NUBPL: variants seen among roughly 807,000 people sequenced by gnomAD.
The protein encoded by NUBPL is NUBP iron-sulfur cluster assembly factor, mitochondrial, also known as iron-sulfur cluster transfer protein NUBPL.
NUBPL carries 31 observed loss-of-function variants against 45.7 expected under a neutral mutation model. That is an observed-to-expected ratio of 0.68 (90% CI 0.51 to 0.92). NUBPL has a LOEUF of 0.92. NUBPL is among the 40% of genes least tolerant of loss of function. The pLI is 0.00. For missense variants in NUBPL, 401 were observed against 398.7 expected, an observed-to-expected ratio of 1.01 and a Z score of -0.05; for synonymous variants, 144 against 140.9, an observed-to-expected ratio of 1.02 and a Z score of -0.15.
chr14:31,662,510 C>T (rs1050529199), intron 4 of NUBPL, among the ~76,000 whole-genome samples: 1 of 151,982 alleles, frequency 6.6e-6, no homozygotes, highest in Non-Finnish European at 1.5e-5. Flanking sequence ...GTGATGTTTC[C>T]CTCCCTGTGT....
chr14:31,591,938 T>C (rs1317173772), intron 3 of NUBPL, among the ~76,000 whole-genome samples: 1 of 152,208 alleles, frequency 6.6e-6, no homozygotes, highest in African/African-American at 2.4e-5. Context: ...CCTGCCCTTA[T>C]GGAGCTTATA....
intron 6 of NUBPL, among the ~76,000 whole-genome samples, chr14:31,723,740 C>T (rs374006473): frequency 1.1e-4 from 17 of 152,174 alleles, no homozygotes; most frequent in African/African-American, 2.4e-4. Flanking sequence ...ATTTGGCTCT[C>T]GGTTTGACTG....
intron 4 of NUBPL, among the ~76,000 whole-genome samples, chr14:31,652,227 G>A (rs1384294683): frequency 1.6e-5 from 2 of 125,100 alleles, no homozygotes; most frequent in Admixed American, 8.5e-5. Flanking sequence ...TCTCACTTAT[G>A]TGCGGAATCT....
intron 8 of NUBPL, among the ~76,000 whole-genome samples, chr14:31,842,798 A>C (rs2040397026): frequency 6.6e-6 from 1 of 152,164 alleles, no homozygotes; most frequent in African/African-American, 2.4e-5. Flanking sequence ...ATATAACCTA[A>C]TATATGTATG....
chr14:31,589,886 G>A (rs1175594529), intron 3 of NUBPL, among the ~76,000 whole-genome samples: 1 of 152,016 alleles, frequency 6.6e-6, no homozygotes, highest in Non-Finnish European at 1.5e-5. Context: ...AGTACTCTTT[G>A]GTCTACCTTT....
chr14:31,839,865 G>A (rs1174391764), intron 8 of NUBPL, among the ~76,000 whole-genome samples: 1 of 152,050 alleles, frequency 6.6e-6, no homozygotes, highest in Non-Finnish European at 1.5e-5. Flanking sequence ...AATCATCAGG[G>A]AAATGCAAAT....
intron 10 of NUBPL, among the ~76,000 whole-genome samples, chr14:31,856,908 T>A (rs1014023083): frequency 3.3e-5 from 5 of 152,170 alleles, no homozygotes; most frequent in Non-Finnish European, 7.3e-5. Flanking sequence ...ACTGTACAAG[T>A]TGTCAGTGGA....
At chr14:31,777,260 G>C (rs944086730) in intron 6 of NUBPL, among the ~76,000 whole-genome samples, 3 of 152,184 alleles carry the variant, frequency 2.0e-5, no homozygotes, top group African/African-American at 4.8e-5. Flanking sequence ...TTGGCAGATA[G>C]CATTGCATCC....
chr14:31,638,414 G>T (rs1046474587), intron 4 of NUBPL, among the ~76,000 whole-genome samples: 1 of 151,308 alleles, frequency 6.6e-6, no homozygotes, highest in African/African-American at 2.4e-5. Flanking sequence ...TTGAATATTG[G>T]CCCCCACTCT....
At chr14:31,650,115 T>TCCCAAGATTCACTTTTTCAGC (rs2035960089) in intron 4 of NUBPL, among the ~76,000 whole-genome samples, 1 of 152,096 alleles carries the variant, frequency 6.6e-6, no homozygotes, top group Admixed American at 6.5e-5. Flanking sequence ...TGCCTCAGCC[T>TCCCAAGATTCACTTTTTCAGC]CCCAAGATTC....
chr14:31,774,464 C>T (rs2039063816), intron 6 of NUBPL, among the ~76,000 whole-genome samples: 1 of 152,190 alleles, frequency 6.6e-6, no homozygotes, highest in Non-Finnish European at 1.5e-5. Context: ...TTCCCAGAAT[C>T]TTTCAGAGTG....
At chr14:31,852,178 G>A (rs7147907) in intron 10 of NUBPL, among the ~76,000 whole-genome samples, 39,846 of 152,036 alleles carry the variant, frequency 0.26, 7,908 homozygotes, top group African/African-American at 0.56. Context: ...TAATGAGGAA[G>A]ATGAGAAAGA....
intron 6 of NUBPL, among the ~76,000 whole-genome samples, chr14:31,685,590 G>T (rs551934964): frequency 4.6e-5 from 7 of 152,178 alleles, no homozygotes; most frequent in African/African-American, 1.7e-4. Flanking sequence ...TATAGAAAAT[G>T]AGAGGATTGT....
chr14:31,793,751 A>G (rs1482704204), intron 7 of NUBPL, among the ~76,000 whole-genome samples: 1 of 151,466 alleles, frequency 6.6e-6, no homozygotes, highest in Non-Finnish European at 1.5e-5. Flanking sequence ...TGCAATTAAT[A>G]TTAACTGAGT....
intron 8 of NUBPL, 26 bp downstream of exon 8, chr14:31,826,740 A>G: frequency 6.3e-7 from 1 of 1,594,200 alleles, no homozygotes. Context: ...TTCACTGTGA[A>G]AAATATAAAA....
intron 4 of NUBPL, among the ~76,000 whole-genome samples, chr14:31,640,130 A>G (rs1321233590): frequency 1.3e-5 from 2 of 152,210 alleles, no homozygotes; most frequent in Non-Finnish European, 2.9e-5. Context: ...TAGTGAGATG[A>G]ACCCGGTACC....
intron 3 of NUBPL, among the ~76,000 whole-genome samples, chr14:31,583,493 C>T (rs1029700925): frequency 6.6e-6 from 1 of 152,122 alleles, no homozygotes; most frequent in African/African-American, 2.4e-5. Context: ...CAAAGAAGTC[C>T]TGTCCTCAGG....
chr14:31,752,921 T>A (rs1169610891), intron 6 of NUBPL, among the ~76,000 whole-genome samples: 3 of 152,118 alleles, frequency 2.0e-5, no homozygotes, highest in Non-Finnish European at 4.4e-5. Flanking sequence ...ATGGTGGCAA[T>A]AAACAGAGAG....
At chr14:31,583,187 G>A (rs748072656) in intron 3 of NUBPL, among the ~76,000 whole-genome samples, 7 of 152,146 alleles carry the variant, frequency 4.6e-5, no homozygotes. Context: ...ATATAACATA[G>A]GCAGTAGTAA....
Sources: gnomAD v4.1 joint callset for allele counts (sites outside exome capture counted in the v4.1 genomes callset) on GRCh38, gnomAD v4.1.1 for gene constraint, MANE v1.5 for transcripts, NCBI Gene and HGNC (gene_info 2026-07-23, HGNC 2026-07-21) for gene names.